ATP8A2: variants seen among roughly 807,000 people sequenced by gnomAD.
ATP8A2 encodes the protein phospholipid-transporting ATPase IB.
ATP8A2 carries 100 observed loss-of-function variants against 165.6 expected under a neutral mutation model. The observed-to-expected ratio is 0.60, with a 90% CI of 0.51 to 0.71. ATP8A2 has a LOEUF of 0.71. Ranked by LOEUF, ATP8A2 falls within the 30% of genes least tolerant of loss-of-function variation. ATP8A2 has a pLI of 0.00. For missense variants in ATP8A2, 1,227 were observed against 1,479.5 expected (o/e 0.83, Z 2.80); for synonymous variants, 543 against 548.8 (o/e 0.99, Z 0.15).
intron 24 of ATP8A2, among the ~76,000 whole-genome samples, chr13:25,646,271 T>C (rs2041667667): frequency 6.6e-6 from 1 of 152,198 alleles, no homozygotes; most frequent in Non-Finnish European, 1.5e-5. Flanking sequence ...GTGAAATATC[T>C]TTTTCTATCT....
intron 1 of ATP8A2, among the ~76,000 whole-genome samples, chr13:25,468,557 G>A (rs1405426718): frequency 6.6e-6 from 1 of 152,192 alleles, no homozygotes; most frequent in Non-Finnish European, 1.5e-5. Flanking sequence ...CTCAGTTCCC[G>A]GGACTAGAGG....
chr13:25,898,052 G>A (rs1022933657), intron 33 of ATP8A2, among the ~76,000 whole-genome samples: 2 of 152,242 alleles, frequency 1.3e-5, no homozygotes, highest in African/African-American at 2.4e-5. Context: ...GTCATTCTCT[G>A]TCCAGTTTTG....
intron 27 of ATP8A2, among the ~76,000 whole-genome samples, chr13:25,782,367 C>G (rs2044902852): frequency 1.3e-5 from 2 of 152,222 alleles, no homozygotes; most frequent in African/African-American, 4.8e-5. Flanking sequence ...GCTGTGGCTT[C>G]ATCAAGTATG....
intron 25 of ATP8A2, among the ~76,000 whole-genome samples, chr13:25,728,495 C>T (rs933906450): frequency 1.3e-5 from 2 of 152,146 alleles, no homozygotes; most frequent in Non-Finnish European, 2.9e-5. Flanking sequence ...TGAGTTGATG[C>T]CGTGAATAAA....
chr13:25,537,489 C>T (rs965566641), intron 6 of ATP8A2, among the ~76,000 whole-genome samples: 12 of 152,134 alleles, frequency 7.9e-5, no homozygotes, highest in African/African-American at 1.2e-4. Context: ...CTTGTAGTCA[C>T]TCTATGAAAT....
intron 33 of ATP8A2, among the ~76,000 whole-genome samples, chr13:25,883,497 T>C (rs1380014372): frequency 2.0e-5 from 3 of 152,164 alleles, no homozygotes; most frequent in Non-Finnish European, 4.4e-5. Context: ...CCCACTGGAC[T>C]GTCAGGAGTT....
rs1358746880 is a variant in ATP8A2, at chr13:25,589,656, C to G, written c.2168C>G (p.Ser723Trp). The G allele has an allele frequency of 6.2e-7, 1 of 1,611,866 alleles. No individual in the cohort carries two copies. Among genetic ancestry groups the G allele is most frequent in the African/African-American group, 1.3e-5 (1 of 74,852 alleles). ...INIGYSCRLV[S>W]QNMALILLKE... is the part of the protein sequence containing the mutation. ...TCAGGGTATTCCTGCCGATTGGTAT[C>G]GCAGAATATGGCCCTTATCCTATTG... is the stretch of plus-strand genomic sequence containing the variant. Residue 723 changes from serine to tryptophan, a missense_variant, in exon 24 of 37, where the codon TCG becomes TGG. Ser to Trp is a radical substitution (Grantham distance 177, BLOSUM62 -3). This residue lies in a region of ATP8A2 where 592 missense variants were observed against 785.6 expected (regional missense o/e 0.75). Transcript: ENST00000381655.
At chr13:25,572,918 T>C (rs1219847750) in intron 18 of ATP8A2, among the ~76,000 whole-genome samples, 2 of 152,234 alleles carry the variant, frequency 1.3e-5, no homozygotes, top group Non-Finnish European at 1.5e-5. Flanking sequence ...GCAAAACCTA[T>C]AAAATATCTT....
At position 25,970,417 on chromosome 13, in the gene ATP8A2, T is replaced by G. The variant is rs567178838; in HGVS notation, c.3377+1738T>G. Among the ~76,000 whole-genome samples, 6 of 152,324 alleles carry G rather than the reference T, an allele frequency of 3.9e-5. No individual in the cohort carries two copies. The East Asian group carries it at 1.2e-3, about 29-fold the overall frequency. On this transcript the variant is annotated intron_variant, in intron 35 of 36. Transcript: ENST00000381655. ...TGGGAGGGTCTTGAATGGACAGAAC[T>G]GCTGAGAGTCTGATTTGGGCAGAGG...
chr13:25,536,036 T>C (rs911388242), intron 6 of ATP8A2, among the ~76,000 whole-genome samples: 8 of 151,156 alleles, frequency 5.3e-5, no homozygotes, highest in African/African-American at 2.0e-4. Context: ...AATTTTCTTG[T>C]CTAGTGGTTT....
intron 33 of ATP8A2, among the ~76,000 whole-genome samples, chr13:25,889,273 T>TATATATATAA (rs1359317042): frequency 7.1e-6 from 1 of 141,184 alleles, no homozygotes; most frequent in African/African-American, 2.5e-5. Flanking sequence ...TATATATATA[T>TATATATATAA]AAAATTTAAA....
chr13:25,804,069 T>C (rs1950677160), intron 27 of ATP8A2, among the ~76,000 whole-genome samples: 1 of 152,254 alleles, frequency 6.6e-6, no homozygotes, highest in African/African-American at 2.4e-5. Context: ...ACATTAGCAA[T>C]AATATTCCAC....
At chr13:25,891,161 T>A (rs1953347744) in intron 33 of ATP8A2, among the ~76,000 whole-genome samples, 1 of 152,202 alleles carries the variant, frequency 6.6e-6, no homozygotes. Flanking sequence ...AGATGCTGTG[T>A]GTTGCTCTCA....
At chr13:25,591,377 A>G (rs894928629) in intron 24 of ATP8A2, 3 of 456,588 alleles carry the variant, frequency 6.6e-6, no homozygotes, top group Non-Finnish European at 1.3e-5. Context: ...CACAGCTGTA[A>G]GTACCTCGTG....
intron 2 of ATP8A2, among the ~76,000 whole-genome samples, chr13:25,524,796 G>A (rs2037783353): frequency 6.6e-6 from 1 of 151,790 alleles, no homozygotes; most frequent in Admixed American, 6.6e-5. Context: ...CTTTTAATTA[G>A]AGAATTAAGT....
chr13:25,430,501 G>A (rs943123299), intron 1 of ATP8A2, among the ~76,000 whole-genome samples: 2 of 152,180 alleles, frequency 1.3e-5, no homozygotes, highest in Non-Finnish European at 2.9e-5. Context: ...GTAGCAGAAG[G>A]CCACTGTAGT....
In ATP8A2 at chr13:25,436,816, C is replaced by T. The variant is rs189407947; in HGVS notation, c.77-32161C>T. Among the ~76,000 whole-genome samples the T allele has an allele frequency of 2.0e-3, 305 of 151,916 alleles. 1 individual carries two copies. Among genetic ancestry groups the T allele is most frequent in the Middle Eastern group, 3.4e-3 (1 of 294 alleles). ...TTTTTAACAGAGTCTCACTCTGTCA[C>T]CTAGGCTGGAGTCCAGTGGCACAAT... On this transcript the variant is annotated intron_variant, in intron 1 of 36. Coordinates refer to ENST00000381655, the MANE Select transcript of ATP8A2 (RefSeq NM_016529.6).
At chr13:25,844,466 TG>T (rs1951814968) in intron 30 of ATP8A2, among the ~76,000 whole-genome samples, 1 of 152,132 alleles carries the variant, frequency 6.6e-6, no homozygotes, top group African/African-American at 2.4e-5. Flanking sequence ...CCTGACCTCG[TG>T]ATCTGCCCAC....
At position 25,399,556 on chromosome 13, in the gene ATP8A2, G is replaced by A. The variant is rs1425127007; in HGVS notation, c.76+27268G>A. On this transcript the variant is annotated intron_variant, in intron 1 of 36. Coordinates refer to ENST00000381655, the MANE Select transcript of ATP8A2 (RefSeq NM_016529.6). ...TGGGACTACAGGAGCCCGCCACCAC[G>A]CCCGGCTAATTTTTTTTTTGTATTT... 2.0e-4 allele frequency among the ~76,000 whole-genome samples: 6 copies of A among 30,718 alleles called. 1 individual carries two copies. The highest frequency in any genetic ancestry group is 6.5e-4 in the Non-Finnish European group (6 of 9,274). The allele number at this position is 30,718 out of a possible 152,430, so 20.2% of individuals were successfully genotyped here. A position where few individuals can be genotyped will look rare whatever the true frequency, so the allele number is the denominator to read the frequency against.
Sources: allele counts gnomAD v4.1 joint callset (sites outside exome capture counted in the v4.1 genomes callset), GRCh38; gene constraint gnomAD v4.1.1; regional missense constraint gnomAD v4.1.1; transcripts MANE v1.5; gene names NCBI Gene and HGNC (gene_info 2026-07-23, HGNC 2026-07-21).